The following L3MBTL3 variants were observed in gnomAD, a reference collection of about 807,000 sequenced individuals.
The protein encoded by L3MBTL3 is lethal(3)malignant brain tumor-like protein 3.
In L3MBTL3, 27 loss-of-function variants were observed where a neutral mutation model predicts 102.3. That is an observed-to-expected ratio of 0.26 (90% CI 0.19 to 0.36). The LOEUF is 0.36. Among genes scored for constraint, L3MBTL3 ranks in the 10% least tolerant of loss-of-function variants. L3MBTL3 has a pLI of 1.00. For missense variants in L3MBTL3, 798 were observed against 955.3 expected (o/e 0.84, Z 2.17); for synonymous variants, 340 against 320.9 (o/e 1.06, Z -0.64).
intron 19 of L3MBTL3, among the ~76,000 whole-genome samples, chr6:130,106,168 T>C (rs1470437116): frequency 6.6e-6 from 1 of 152,230 alleles, no homozygotes; most frequent in African/African-American, 2.4e-5. Context: ...TAGTAATTAC[T>C]ACCTATTAAA....
At chr6:130,116,752 TAAAAA>T (rs1004191425) in intron 19 of L3MBTL3, among the ~76,000 whole-genome samples, 1 of 146,234 alleles carries the variant, frequency 6.8e-6, no homozygotes, top group Non-Finnish European at 1.5e-5. Context: ...ATCTATCTCT[TAAAAA>T]AAAAAAATCG....
rs1369580752 is a variant in L3MBTL3, at chr6:130,141,090, C to T, written c.*1337C>T. On this transcript the variant is annotated 3_prime_UTR_variant, in exon 23 of 23. Transcript: ENST00000361794. ...CCGTCTTTTGATGTACTTTCTGATT[C>T]CAGGATTGGATATTTATTCAAGGAC... The T allele has an allele frequency of 6.6e-6, 1 of 152,346 alleles. No homozygotes were observed. The highest frequency in any genetic ancestry group is 1.5e-5 in the Non-Finnish European group (1 of 68,028). 9.4% of individuals were successfully genotyped at this position (152,346 alleles called of 1,614,324 possible). A position where few individuals can be genotyped will look rare whatever the true frequency, so the allele number is the denominator to read the frequency against.
In L3MBTL3 at chr6:130,068,365, C is replaced by T; in HGVS notation, c.1036C>T (p.Leu346Phe). 6.2e-7 allele frequency: 1 copy of T among 1,604,944 alleles called. No homozygotes were observed. Among genetic ancestry groups the T allele is most frequent in the Middle Eastern group, 1.7e-4 (1 of 6,020 alleles). The change falls in exon 12 of 23, where the codon CTT (leucine) becomes TTT (phenylalanine). Residue 346 changes from leucine to phenylalanine, a missense_variant. Around this residue, in one of 4 missense-constraint regions of L3MBTL3, gnomAD observed 434 missense variants for 506.6 expected, o/e 0.86. Coordinates refer to ENST00000361794, the MANE Select transcript of L3MBTL3 (RefSeq NM_032438.4). ...AGAAGAATTCAATTGGCAGACCTAT[C>T]TTAAGACATGTAAAGCTCAAGCTGC... ...KEEEFNWQTY[L>F]KTCKAQAAPK...
At chr6:130,094,571 A>G (rs1003222388) in intron 18 of L3MBTL3, among the ~76,000 whole-genome samples, 6 of 152,174 alleles carry the variant, frequency 3.9e-5, no homozygotes, top group Admixed American at 2.6e-4. Flanking sequence ...ACAGTTTAAA[A>G]TGGATTTACT....
Position 130,133,434 on chromosome 6 carries a change from T to C in L3MBTL3, c.1967-18T>C. 6.2e-6 allele frequency: 10 copies of C among 1,611,474 alleles called. No individual in the cohort carries two copies. The highest frequency in any genetic ancestry group is 1.7e-6 in the Non-Finnish European group (2 of 1,178,520). ...GCTGCTTTCAGAGAGTGATTTCCCA[T>C]TTGTTTTCATTGACCAGGTGCCCGG... is the stretch of plus-strand genomic sequence containing the variant. On this transcript the variant is annotated intron_variant, in intron 20 of 22. Coordinates refer to ENST00000361794, the MANE Select transcript of L3MBTL3 (RefSeq NM_032438.4). This position sits in a 1 kb window ranked among gnomAD's most constrained non-coding sequence, Gnocchi z 4.9.
At chr6:130,085,284 G>A (rs1034186006) in intron 15 of L3MBTL3, among the ~76,000 whole-genome samples, 1 of 152,100 alleles carries the variant, frequency 6.6e-6, no homozygotes, top group African/African-American at 2.4e-5. Context: ...CTGAGGCGTA[G>A]GTAGCTGTTG....
rs537985094 is a variant in L3MBTL3, at chr6:130,098,535, A to G, written c.1736+4168A>G. ...TTTTTGCTGATGTTCTTTTTACACAATAGGGGTTAAATGTCACTCTTCTTT... is the reference window on the plus strand; with the variant it reads ...TTTTTGCTGATGTTCTTTTTACACAGTAGGGGTTAAATGTCACTCTTCTTT... On this transcript the variant is annotated intron_variant, in intron 18 of 22. Transcript: ENST00000361794. Among the ~76,000 whole-genome samples the G allele has an allele frequency of 2.6e-5, 4 of 152,304 alleles. No homozygotes were observed. The South Asian group carries it at 6.2e-4, about 24-fold the overall frequency.
intron 14 of L3MBTL3, among the ~76,000 whole-genome samples, chr6:130,081,069 G>A (rs916439091): frequency 5.9e-5 from 9 of 152,256 alleles, no homozygotes; most frequent in East Asian, 1.9e-4. Flanking sequence ...CCACCACCAC[G>A]TTTCCGTTCT....
At chr6:130,084,268 G>A (rs7775210) in intron 15 of L3MBTL3, among the ~76,000 whole-genome samples, 19,513 of 152,096 alleles carry the variant, frequency 0.13, 1,924 homozygotes, top group African/African-American at 0.26. Flanking sequence ...GGAATAAGAA[G>A]TGAAATATAT....
intron 2 of L3MBTL3, among the ~76,000 whole-genome samples, chr6:130,037,624 C>G (rs1049777250): frequency 6.6e-6 from 1 of 152,064 alleles, no homozygotes; most frequent in Admixed American, 6.6e-5. Context: ...GTAGTGAAAT[C>G]TGATTTAAAA....
chr6:130,117,422 G>T (rs115580056), intron 19 of L3MBTL3, among the ~76,000 whole-genome samples: 4 of 151,884 alleles, frequency 2.6e-5, no homozygotes, highest in Non-Finnish European at 5.9e-5. Context: ...GAATAATGCC[G>T]CAAATCTGTC....
At chr6:130,062,724 C>T (rs532504914) in intron 10 of L3MBTL3, among the ~76,000 whole-genome samples, 1 of 151,562 alleles carries the variant, frequency 6.6e-6, no homozygotes, top group East Asian at 1.9e-4. Context: ...GGGTAGTTCT[C>T]CATTTTATAG....
intron 2 of L3MBTL3, among the ~76,000 whole-genome samples, chr6:130,037,071 A>G (rs1045252471): frequency 2.6e-5 from 4 of 152,218 alleles, no homozygotes; most frequent in Non-Finnish European, 4.4e-5. Context: ...AATAATTGAA[A>G]TAATATATGT....
At chr6:130,121,488 T>C (rs1169431030) in intron 20 of L3MBTL3, among the ~76,000 whole-genome samples, 2 of 152,242 alleles carry the variant, frequency 1.3e-5, no homozygotes, top group East Asian at 1.9e-4. Flanking sequence ...GTTTATTGTT[T>C]AGTATCAATA....
intron 10 of L3MBTL3, among the ~76,000 whole-genome samples, chr6:130,064,158 AC>A (rs1172161808): frequency 6.6e-6 from 1 of 152,218 alleles, no homozygotes; most frequent in East Asian, 1.9e-4. Context: ...ATAGAATGTC[AC>A]CAGGCAAATA....
At chr6:130,061,851 A>G (rs1288481964) in intron 10 of L3MBTL3, among the ~76,000 whole-genome samples, 1 of 152,138 alleles carries the variant, frequency 6.6e-6, no homozygotes, top group Admixed American at 6.5e-5. Context: ...CGAGAGACAG[A>G]GAAAGGAACC....
At chr6:130,063,507 C>T (rs1424026321) in intron 10 of L3MBTL3, among the ~76,000 whole-genome samples, 1 of 152,104 alleles carries the variant, frequency 6.6e-6, no homozygotes, top group Non-Finnish European at 1.5e-5. Flanking sequence ...TGTGTGGAAC[C>T]ATTGCTCTTA....
intron 19 of L3MBTL3, among the ~76,000 whole-genome samples, chr6:130,119,808 T>C (rs1037703022): frequency 1.3e-5 from 2 of 152,178 alleles, no homozygotes; most frequent in African/African-American, 4.8e-5. Flanking sequence ...ATACATAATT[T>C]AAAAATAGCA....
At chr6:130,089,238 C>T (rs908586947) in intron 16 of L3MBTL3, among the ~76,000 whole-genome samples, 4 of 150,490 alleles carry the variant, frequency 2.7e-5, no homozygotes, top group Non-Finnish European at 4.4e-5. Context: ...CATGACAGGC[C>T]CCAGTGTGTG....
Sources: gnomAD v4.1 joint callset for allele counts (sites outside exome capture counted in the v4.1 genomes callset) on GRCh38, gnomAD v4.1.1 for gene constraint, gnomAD v4.1.1 regional missense constraint, Gnocchi (gnomAD v3.1) non-coding constraint, MANE v1.5 for transcripts, NCBI Gene and HGNC (gene_info 2026-07-23, HGNC 2026-07-21) for gene names.